The following USP2 variants were observed in gnomAD, a reference collection of about 807,000 sequenced individuals.
The protein encoded by USP2 is ubiquitin specific peptidase 2, also known as ubiquitin carboxyl-terminal hydrolase 2.
A neutral mutation model predicts 72.0 loss-of-function variants in USP2; 33 were observed. That is an observed-to-expected ratio of 0.46 (90% CI 0.35 to 0.61). The LOEUF (loss-of-function observed/expected upper bound fraction) is 0.61, where lower values mean the gene tolerates loss of function less well. Ranked by LOEUF, USP2 falls within the 20% of genes least tolerant of loss-of-function variation. The pLI is 0.01. For missense variants in USP2, 691 were observed against 797.8 expected (o/e 0.87, Z 1.61); for synonymous variants, 296 against 312.5 (o/e 0.95, Z 0.56).
Position 119,373,232 on chromosome 11 carries a change from G to A in USP2, c.249C>T (p.Pro83=), listed in dbSNP as rs751413682. The A allele has an allele frequency of 2.1e-5, 34 of 1,613,846 alleles. No individual in the cohort carries two copies. In the South Asian group the frequency reaches 2.4e-4, roughly 11 times the overall value. ...DYDRGRPLLR[P]DITGGGKRAE... is the part of the protein sequence containing the mutation. The stretch of plus-strand genomic sequence containing the variant: ...CCCGCTTACCACCCCCAGTGATGTC[G>A]GGTCTCAGCAGGGGGCGGCCCCGGT... The change falls in exon 2 of 13, where the codon CCC becomes CCT. Residue 83 remains proline, a synonymous_variant. Transcript: ENST00000260187.
rs985812070 is a variant in USP2, at chr11:119,365,317, G to A, written c.775-5083C>T. On this transcript the variant is annotated intron_variant, in intron 2 of 12. Coordinates refer to ENST00000260187, the MANE Select transcript of USP2 (RefSeq NM_004205.5). Reference sequence around the variant, plus strand: ...ACGTATGGCAGTACCCCAGGCCACCGACAAAGCAGCAATTTCATGCTAATG... The same window carrying A: ...ACGTATGGCAGTACCCCAGGCCACCAACAAAGCAGCAATTTCATGCTAATG... 1.1e-4 allele frequency among the ~76,000 whole-genome samples: 17 copies of A among 152,206 alleles called. No individual in the cohort carries two copies. In the East Asian group the frequency reaches 2.5e-3, roughly 22 times the overall value.
intron 1 of USP2, among the ~76,000 whole-genome samples, chr11:119,375,729 T>G (rs1950991999): frequency 6.6e-6 from 1 of 152,002 alleles, no homozygotes; most frequent in Non-Finnish European, 1.5e-5. Context: ...AGCTCATGGC[T>G]CCTCCCCACA....
chr11:119,365,161 A>C (rs942962376), intron 2 of USP2, among the ~76,000 whole-genome samples: 1 of 152,106 alleles, frequency 6.6e-6, no homozygotes, highest in Non-Finnish European at 1.5e-5. Flanking sequence ...TTTAGCATTT[A>C]AAAATACTCC....
At chr11:119,372,664 GCTGCCTCCCCAGC>G in intron 2 of USP2, 30 bp downstream of exon 2, 1 of 1,492,932 alleles carries the variant, frequency 6.7e-7, no homozygotes, top group Non-Finnish European at 8.9e-7. Flanking sequence ...TCCATCAGTG[GCTGCCTCCCCAGC>G]CTATCCCCGG....
intron 1 of USP2, among the ~76,000 whole-genome samples, 183 bp from the exon 2 acceptor site, chr11:119,373,704 T>G (rs1181379448): frequency 6.6e-6 from 1 of 152,102 alleles, no homozygotes; most frequent in Admixed American, 6.5e-5. Flanking sequence ...TGCACCTGTG[T>G]GTTCACACCT....
intron 2 of USP2, among the ~76,000 whole-genome samples, chr11:119,369,857 A>G (rs1236845582): frequency 6.6e-6 from 1 of 152,094 alleles, no homozygotes; most frequent in East Asian, 1.9e-4. Flanking sequence ...AAGAACACCC[A>G]GGGCTGCCTC....
At chr11:119,357,658 C>T in intron 10 of USP2, 68 bp from the exon 11 acceptor site, 1 of 1,613,596 alleles carries the variant, frequency 6.2e-7, no homozygotes, top group Non-Finnish European at 8.5e-7. Flanking sequence ...GGAAAGCCTA[C>T]AAGGTCCGTT....
intron 1 of USP2, among the ~76,000 whole-genome samples, chr11:119,381,025 T>C (rs1397487145): frequency 2.0e-5 from 3 of 152,174 alleles, no homozygotes; most frequent in Non-Finnish European, 4.4e-5. Flanking sequence ...CAAAGCTGCC[T>C]CTTTCTGGTT....
chr11:119,367,703 C>T (rs928391720), intron 2 of USP2, among the ~76,000 whole-genome samples: 1 of 152,188 alleles, frequency 6.6e-6, no homozygotes, highest in African/African-American at 2.4e-5. Flanking sequence ...CTGGCCTGAA[C>T]CAGCTGGATT....
chr11:119,376,610 C>T (rs1251880228), intron 1 of USP2, among the ~76,000 whole-genome samples: 1 of 152,262 alleles, frequency 6.6e-6, no homozygotes, highest in African/African-American at 2.4e-5. Context: ...GTGTCCTGAC[C>T]CTTCCTTCTC....
intron 2 of USP2, among the ~76,000 whole-genome samples, chr11:119,364,516 C>T (rs766794598): frequency 2.0e-5 from 3 of 152,236 alleles, no homozygotes; most frequent in Non-Finnish European, 4.4e-5. Flanking sequence ...CTCCCCAAGA[C>T]CCAGTGGCAA....
At chr11:119,372,427 G>A (rs1294826737) in intron 2 of USP2, among the ~76,000 whole-genome samples, 1 of 152,270 alleles carries the variant, frequency 6.6e-6, no homozygotes, top group Non-Finnish European at 1.5e-5. Context: ...AAGGTGAGAA[G>A]AGTGGTTCAT....
chr11:119,356,896 A>C lies in USP2; in HGVS notation c.1757T>G (p.Val586Gly). 1 of 1,563,648 alleles carries C rather than the reference A, an allele frequency of 6.4e-7. No homozygotes were observed. Among genetic ancestry groups the C allele is most frequent in the Non-Finnish European group, 8.7e-7 (1 of 1,154,480 alleles). Residue 586 changes from valine (V) to glycine (G), a missense_variant, in exon 13 of 13, where the codon GTG becomes GGG. Coordinates refer to ENST00000260187, the MANE Select transcript of USP2 (RefSeq NM_004205.5). ...SSVTPMSSSQ[V>G]RTSDAYLLFY... ...GAGCAGGTAGGCGTCGCTGGTGCGCACTTGGCTGGAGGACATGGGAGTGAC... is the reference window on the plus strand; with the variant it reads ...GAGCAGGTAGGCGTCGCTGGTGCGCCCTTGGCTGGAGGACATGGGAGTGAC...
At chr11:119,369,371 A>G (rs1442141824) in intron 2 of USP2, among the ~76,000 whole-genome samples, 1 of 152,172 alleles carries the variant, frequency 6.6e-6, no homozygotes, top group Admixed American at 6.5e-5. Context: ...ATTACTGTTA[A>G]TGAGGGAAAG....
intron 2 of USP2, chr11:119,363,942 A>G: frequency 9.7e-7 from 1 of 1,026,468 alleles, no homozygotes; most frequent in Non-Finnish European, 1.2e-6. Context: ...CGAGGGCGGG[A>G]AAGGGGGCGG....
Position 119,372,691 on chromosome 11 carries a change from C to G in USP2, c.774+16G>C. On this transcript the variant is annotated intron_variant, in intron 2 of 12. Coordinates refer to ENST00000260187, the MANE Select transcript of USP2 (RefSeq NM_004205.5). ...TGCCTCCCCAGCCTATCCCCGGTCC[C>G]CAAGGGTAAACTCACCATGCCGTCT... 6.6e-7 allele frequency: 1 copy of G among 1,510,516 alleles called. No individual in the cohort carries two copies. The highest frequency in any genetic ancestry group is 8.8e-7 in the Non-Finnish European group (1 of 1,134,072). 93.6% of individuals were successfully genotyped at this position (1,510,516 alleles called of 1,614,324 possible).
intron 2 of USP2, among the ~76,000 whole-genome samples, chr11:119,365,061 G>GC: frequency 6.6e-6 from 1 of 152,248 alleles, no homozygotes; most frequent in Middle Eastern, 3.4e-3. Flanking sequence ...CGTTTCTGAT[G>GC]CCCCACCCCT....
intron 2 of USP2, among the ~76,000 whole-genome samples, chr11:119,361,611 G>A (rs59121503): frequency 6.6e-6 from 1 of 151,846 alleles, no homozygotes; most frequent in Non-Finnish European, 1.5e-5. Context: ...TTGTCAGCTG[G>A]GGGGGAGGGG....
rs572831431 is a variant in USP2, at chr11:119,365,525, C to A, written c.775-5291G>T. ...TGACTGAATCTGGACCCCGGACAAA[C>A]TGCAGCAGCCTTTCTCCAAGCCTCC... On this transcript the variant is annotated intron_variant, in intron 2 of 12. Transcript: ENST00000260187. Among the ~76,000 whole-genome samples, 6 of 152,354 alleles carry A rather than the reference C, an allele frequency of 3.9e-5. No homozygotes were observed. The South Asian group carries it at 1.2e-3, about 32-fold the overall frequency.
Sources: allele counts gnomAD v4.1 joint callset (sites outside exome capture counted in the v4.1 genomes callset), GRCh38; gene constraint gnomAD v4.1.1; transcripts MANE v1.5; gene names NCBI Gene and HGNC (gene_info 2026-07-23, HGNC 2026-07-21).